Variants in GALNTL6 observed in about 807,000 individuals in gnomAD.
GALNTL6 encodes the protein polypeptide N-acetylgalactosaminyltransferase-like 6.
GALNTL6 carries 46 observed loss-of-function variants against 73.7 expected under a neutral mutation model. The ratio of observed to expected loss-of-function variants is 0.62; its 90% CI spans 0.49 to 0.80. GALNTL6 has a LOEUF of 0.80. GALNTL6 is among the 30% of genes least tolerant of loss of function. GALNTL6 has a pLI of 0.00. For missense variants in GALNTL6, 604 were observed against 755.0 expected (o/e 0.80, Z 2.34); for synonymous variants, 259 against 263.7 (o/e 0.98, Z 0.17).
intron 10 of GALNTL6, among the ~76,000 whole-genome samples, chr4:172,959,633 T>A (rs1365732302): frequency 6.6e-6 from 1 of 151,892 alleles, no homozygotes. Context: ...GCGTCAGTCT[T>A]CAGCCGCTAA....
intron 5 of GALNTL6, among the ~76,000 whole-genome samples, chr4:172,462,430 C>T (rs145555198): frequency 2.0e-5 from 3 of 152,168 alleles, no homozygotes; most frequent in African/African-American, 7.2e-5. Context: ...TGAGGCCTGG[C>T]CCAGGTAGCT....
intron 5 of GALNTL6, among the ~76,000 whole-genome samples, chr4:172,480,481 G>A (rs569602178): frequency 1.3e-5 from 2 of 152,208 alleles, no homozygotes; most frequent in South Asian, 4.1e-4. Context: ...AATCAATTGA[G>A]CTATTATTTA....
At chr4:172,669,768 G>GT (rs1731871378) in intron 5 of GALNTL6, among the ~76,000 whole-genome samples, 1 of 151,762 alleles carries the variant, frequency 6.6e-6, no homozygotes, top group Non-Finnish European at 1.5e-5. Flanking sequence ...CATCACTCAG[G>GT]TATGAAGCCT....
chr4:171,974,186 A>G (rs1264129898), intron 2 of GALNTL6, among the ~76,000 whole-genome samples: 1 of 151,770 alleles, frequency 6.6e-6, no homozygotes, highest in African/African-American at 2.4e-5. Context: ...TTTCTTTTTA[A>G]TAATCCGTGT....
chr4:172,621,540 G>C (rs1316167699), intron 5 of GALNTL6, among the ~76,000 whole-genome samples: 1 of 152,114 alleles, frequency 6.6e-6, no homozygotes, highest in African/African-American at 2.4e-5. Flanking sequence ...AACCTCGTCA[G>C]TTTATGGCTA....
chr4:172,641,716 T>A (rs1739991561), intron 5 of GALNTL6, among the ~76,000 whole-genome samples: 1 of 151,998 alleles, frequency 6.6e-6, no homozygotes, highest in Non-Finnish European at 1.5e-5. Context: ...ATGTAACATA[T>A]TATCAAATTT....
At chr4:172,722,209 G>A (rs141785714) in intron 5 of GALNTL6, among the ~76,000 whole-genome samples, 83 of 152,112 alleles carry the variant, frequency 5.5e-4, no homozygotes, top group African/African-American at 1.9e-3. Context: ...TTAAAAAGCA[G>A]TATCCTCACA....
intron 7 of GALNTL6, among the ~76,000 whole-genome samples, chr4:172,872,132 G>A (rs1451489876): frequency 1.3e-5 from 2 of 152,146 alleles, no homozygotes; most frequent in Non-Finnish European, 2.9e-5. Flanking sequence ...AGAGATATTT[G>A]GGGATTCATT....
intron 5 of GALNTL6, among the ~76,000 whole-genome samples, chr4:172,616,364 T>C (rs916469816): frequency 2.0e-5 from 3 of 152,148 alleles, no homozygotes; most frequent in Non-Finnish European, 4.4e-5. Context: ...CTTCAGAATG[T>C]TGCTGAACAT....
At chr4:172,425,736 G>T (rs2111370972) in intron 5 of GALNTL6, among the ~76,000 whole-genome samples, 1 of 152,052 alleles carries the variant, frequency 6.6e-6, no homozygotes, top group East Asian at 1.9e-4. Flanking sequence ...ACCTTATTAA[G>T]TAGTTAATTA....
intron 5 of GALNTL6, among the ~76,000 whole-genome samples, chr4:172,735,064 G>T (rs1349275294): frequency 6.6e-5 from 10 of 152,208 alleles, no homozygotes; most frequent in Non-Finnish European, 5.9e-5. Context: ...CACCCACACA[G>T]AGTCCCCACT....
rs1553989733 is a variant in GALNTL6, at chr4:172,069,488, C to CACAT, written c.139-160167_139-160166insCATA. On this transcript the variant is annotated intron_variant, in intron 2 of 12. Coordinates refer to ENST00000506823, the MANE Select transcript of GALNTL6 (RefSeq NM_001034845.3). ...TATAACATATATGTTATATATAACA[C>CACAT]ATATGTTATATGTATAACACATATA... Among the ~76,000 whole-genome samples, 12 of 69,200 alleles carry CACAT rather than the reference C, an allele frequency of 1.7e-4. 3 individuals are homozygous for CACAT. Among genetic ancestry groups the CACAT allele is most frequent in the South Asian group, 8.4e-4 (2 of 2,370 alleles). The allele number at this position is 69,200 out of a possible 152,430, so 45.4% of individuals were successfully genotyped here.
At chr4:172,576,436 A>G (rs1418279340) in intron 5 of GALNTL6, among the ~76,000 whole-genome samples, 1 of 152,226 alleles carries the variant, frequency 6.6e-6, no homozygotes, top group Non-Finnish European at 1.5e-5. Context: ...TTCATAAATG[A>G]TGGAAAGAGC....
At chr4:172,409,768 G>T (rs1187061591) in intron 5 of GALNTL6, among the ~76,000 whole-genome samples, 2 of 151,934 alleles carry the variant, frequency 1.3e-5, no homozygotes, top group Non-Finnish European at 2.9e-5. Flanking sequence ...AGCAATTACT[G>T]TATAGTAGCT....
intron 2 of GALNTL6, among the ~76,000 whole-genome samples, chr4:172,210,605 A>G (rs904206822): frequency 6.6e-6 from 1 of 152,174 alleles, no homozygotes; most frequent in African/African-American, 2.4e-5. Flanking sequence ...TTTTCATTAC[A>G]TCATATCCAG....
rs114166495 is a variant in GALNTL6, at chr4:172,515,510, T to C, written c.553+166821T>C. On this transcript the variant is annotated intron_variant, in intron 5 of 12. Coordinates refer to ENST00000506823, the MANE Select transcript of GALNTL6 (RefSeq NM_001034845.3). Reference sequence around the variant, plus strand: ...TTATTTTATGATGTCTTAGGTCAGGTTGCCTAGAAACAGACTCAGATTCAT... The same window carrying C: ...TTATTTTATGATGTCTTAGGTCAGGCTGCCTAGAAACAGACTCAGATTCAT... Among the ~76,000 whole-genome samples the C allele has an allele frequency of 1.5e-3, 235 of 152,370 alleles. 1 individual carries two copies. Among genetic ancestry groups the C allele is most frequent in the African/African-American group, 5.0e-3 (209 of 41,594 alleles).
chr4:172,699,425 G>T (rs1014321411), intron 5 of GALNTL6, among the ~76,000 whole-genome samples: 1 of 152,124 alleles, frequency 6.6e-6, no homozygotes, highest in Non-Finnish European at 1.5e-5. Context: ...TATACATAAG[G>T]TTCAGTCCTT....
chr4:172,715,840 A>G (rs190208991), intron 5 of GALNTL6, among the ~76,000 whole-genome samples: 4 of 152,316 alleles, frequency 2.6e-5, no homozygotes, highest in Admixed American at 6.5e-5. Flanking sequence ...ACTAAATGCA[A>G]AGAACTACAT....
At chr4:172,104,834 G>A (rs1447567431) in intron 2 of GALNTL6, among the ~76,000 whole-genome samples, 1 of 152,100 alleles carries the variant, frequency 6.6e-6, no homozygotes, top group African/African-American at 2.4e-5. Flanking sequence ...GAAAACTCAT[G>A]CTGAAAATAG....
Sources: allele counts gnomAD v4.1 joint callset (sites outside exome capture counted in the v4.1 genomes callset), GRCh38; gene constraint gnomAD v4.1.1; transcripts MANE v1.5; gene names NCBI Gene and HGNC (gene_info 2026-07-23, HGNC 2026-07-21).